NDUFS1: variants seen among roughly 807,000 people sequenced by gnomAD.
The protein encoded by NDUFS1 is NADH-ubiquinone oxidoreductase 75 kDa subunit, mitochondrial.
In NDUFS1, 61 loss-of-function variants were observed where a neutral mutation model predicts 84.4. The observed-to-expected ratio is 0.72, with a 90% confidence interval of 0.59 to 0.89. The LOEUF (loss-of-function observed/expected upper bound fraction) is 0.89, where lower values mean the gene tolerates loss of function less well. NDUFS1 is among the 40% of genes least tolerant of loss of function. The pLI, the probability that NDUFS1 is intolerant of heterozygous loss-of-function variation, is 0.00. For synonymous variants in NDUFS1, 275 were observed against 290.0 expected (o/e 0.95, Z 0.53); for missense variants, 891 against 890.0 (o/e 1.00, Z -0.01).
Position 206,124,130 on chromosome 2 carries a change from G to T in NDUFS1, c.*55C>A. ...AGAAATAAACCTGTAAAGGATCACT[G>T]CACTACAGTTGTCCATTAATTATCT... On this transcript the variant is annotated 3_prime_UTR_variant, in exon 19 of 19. Transcript: ENST00000233190. 9.4e-7 allele frequency: 1 copy of T among 1,068,764 alleles called. No homozygotes were observed. The highest frequency in any genetic ancestry group is 1.5e-6 in the Non-Finnish European group (1 of 681,972). The allele number at this position is 1,068,764 out of a possible 1,614,324, so 66.2% of individuals were successfully genotyped here.
At chr2:206,143,026 C>T (rs191634398) in intron 10 of NDUFS1, among the ~76,000 whole-genome samples, 195 bp from the exon 11 acceptor site, 9 of 152,290 alleles carry the variant, frequency 5.9e-5, no homozygotes, top group Admixed American at 4.6e-4. Flanking sequence ...CAGAAGTGGG[C>T]GGATCACCTG....
At position 206,144,999 on chromosome 2, in the gene NDUFS1, A is replaced by G. The variant is rs1692104586; in HGVS notation, c.765T>C (p.Asp255=). ...TRKTESIDVM[D]AVGSNIVVST... ...TAACCACAATATTACTTCCAACCGC[A>G]TCCATTACATCAATGGATTCTGTCT... Residue 255 remains aspartate (D), a synonymous_variant, in exon 9 of 19, where the codon GAT becomes GAC. Transcript: ENST00000233190. The G allele has an allele frequency of 6.2e-7, 1 of 1,613,876 alleles. No homozygotes were observed. The highest frequency in any genetic ancestry group is 1.3e-5 in the African/African-American group (1 of 74,916).
intron 14 of NDUFS1, among the ~76,000 whole-genome samples, chr2:206,131,371 T>C (rs185742015): frequency 1.3e-5 from 2 of 152,328 alleles, no homozygotes; most frequent in East Asian, 3.9e-4. Context: ...AATTAGCCAT[T>C]AACATTTTTA....
At chr2:206,149,234 A>T (rs1692278571) in intron 4 of NDUFS1, 138 bp from the exon 5 acceptor site, 1 of 698,316 alleles carries the variant, frequency 1.4e-6, no homozygotes, top group Non-Finnish European at 2.4e-6. Flanking sequence ...GGTATTTTTT[A>T]AAACTGAATT....
intron 7 of NDUFS1, 62 bp downstream of exon 7, chr2:206,147,468 CA>C: frequency 6.7e-7 from 1 of 1,486,506 alleles, no homozygotes; most frequent in African/African-American, 1.4e-5. Context: ...TATTATTCAT[CA>C]AATTGTGACT....
At chr2:206,144,567 A>G (rs1343454252) in intron 9 of NDUFS1, among the ~76,000 whole-genome samples, 1 of 152,222 alleles carries the variant, frequency 6.6e-6, no homozygotes, top group South Asian at 2.1e-4. Flanking sequence ...TCGGCCTTCC[A>G]AAGTGCTGGG....
intron 1 of NDUFS1, 124 bp downstream of exon 1, chr2:206,159,217 C>T: frequency 7.2e-7 from 1 of 1,384,652 alleles, no homozygotes. Flanking sequence ...GGCGGCGGGG[C>T]GGGAGGCGGC....
chr2:206,129,801 A>G (rs951813136), intron 15 of NDUFS1, among the ~76,000 whole-genome samples: 2 of 152,042 alleles, frequency 1.3e-5, no homozygotes, highest in African/African-American at 4.8e-5. Context: ...CATGTTGGTC[A>G]GGCTGGTCTT....
At position 206,126,558 on chromosome 2, in the gene NDUFS1, T is replaced by C. The variant is rs370252506; in HGVS notation, c.2073A>G (p.Ile691Met). 6 of 1,614,052 alleles carry C rather than the reference T, an allele frequency of 3.7e-6. No homozygotes were observed. The highest frequency in any genetic ancestry group is 2.7e-5 in the African/African-American group (2 of 74,930). Residue 691 changes from isoleucine to methionine, a missense_variant, in exon 18 of 19, where the codon ATA becomes ATG. Coordinates refer to ENST00000233190, the MANE Select transcript of NDUFS1 (RefSeq NM_005006.7). ...ACATACCTGTCATGTAGAAGTCTTT[T>C]ATAGTTAGCTGAGGTGGAACAAGTG... ...ADPLVPPQLTIKDFYMTDSIS... is the reference protein window; with the variant it reads ...ADPLVPPQLTMKDFYMTDSIS...
At position 206,122,108 on chromosome 2, in the gene NDUFS1, C is replaced by A. The variant is rs1184528623; in HGVS notation, c.*2077G>T. 1 of 152,078 alleles carries A rather than the reference C, an allele frequency of 6.6e-6. No individual in the cohort carries two copies. Among genetic ancestry groups the A allele is most frequent in the Admixed American group, 6.6e-5 (1 of 15,252 alleles). The allele number at this position is 152,078 out of a possible 1,614,324, so 9.4% of individuals were successfully genotyped here. A position where few individuals can be genotyped will look rare whatever the true frequency, so the allele number is the denominator to read the frequency against. On this transcript the variant is annotated 3_prime_UTR_variant, in exon 19 of 19. Transcript: ENST00000233190. Reference sequence around the variant, plus strand: ...AGGATAAGATAAACAGTTCTAAAAGCTGGTACAGGTGACAAATTTTGTGCA... The same window carrying A: ...AGGATAAGATAAACAGTTCTAAAAGATGGTACAGGTGACAAATTTTGTGCA...
Position 206,131,226 on chromosome 2 carries a change from T to C in NDUFS1, c.1554-984A>G, listed in dbSNP as rs530194296. Among the ~76,000 whole-genome samples the C allele has an allele frequency of 6.2e-4, 95 of 152,336 alleles. 3 individuals carry two copies. In the South Asian group the frequency reaches 0.019, roughly 31 times the overall value. On this transcript the variant is annotated intron_variant, in intron 14 of 18. Coordinates refer to ENST00000233190, the MANE Select transcript of NDUFS1 (RefSeq NM_005006.7). Reference sequence around the variant, plus strand: ...CCCAATAGTTCTACTTTTAGAAATATATCCTAAGAAGATAATTTCAAGTGC... The same window carrying C: ...CCCAATAGTTCTACTTTTAGAAATACATCCTAAGAAGATAATTTCAAGTGC...
intron 2 of NDUFS1, 80 bp from the exon 3 acceptor site, chr2:206,152,590 T>C (rs1181774049): frequency 8.1e-7 from 1 of 1,234,614 alleles, no homozygotes; most frequent in Non-Finnish European, 1.2e-6. Context: ...TGACTCTAAC[T>C]ACAAACCTAA....
chr2:206,146,856 T>C (rs1159638581), intron 8 of NDUFS1, 47 bp downstream of exon 8: 1 of 1,539,918 alleles, frequency 6.5e-7, no homozygotes, highest in East Asian at 2.3e-5. Context: ...TTTTGAATAG[T>C]AATGAATTAA....
At chr2:206,136,163 G>A (rs1691703440) in intron 13 of NDUFS1, among the ~76,000 whole-genome samples, 1 of 149,860 alleles carries the variant, frequency 6.7e-6, no homozygotes, top group African/African-American at 2.5e-5. Flanking sequence ...TGATTCTCTT[G>A]CCCCAGCCTC....
At position 206,159,144 on chromosome 2, in the gene NDUFS1, G is replaced by C. The variant is rs1355253995; in HGVS notation, c.-5+197C>G. ...CCCCCTGATCCTCATCTTCTTTTCT[G>C]CTTCATCAGACCAGAGACCGTGGCT... On this transcript the variant is annotated intron_variant, in intron 1 of 18. Transcript: ENST00000233190. 9.1e-6 allele frequency: 14 copies of C among 1,535,524 alleles called. No individual in the cohort carries two copies. The East Asian group carries it at 3.2e-4, about 35-fold the overall frequency.
intron 13 of NDUFS1, among the ~76,000 whole-genome samples, chr2:206,135,542 G>T (rs185203237): frequency 1.3e-5 from 2 of 151,852 alleles, no homozygotes; most frequent in East Asian, 3.9e-4. Flanking sequence ...GCATGGTGGC[G>T]TGCGCCTGTA....
At chr2:206,145,843 T>C (rs1035957702) in intron 8 of NDUFS1, among the ~76,000 whole-genome samples, 3 of 152,140 alleles carry the variant, frequency 2.0e-5, no homozygotes, top group Non-Finnish European at 4.4e-5. Flanking sequence ...CGAGGCAAAC[T>C]TGTTTGTGGA....
chr2:206,142,105 A>T lies in NDUFS1; in HGVS notation c.1134-36T>A, dbSNP rs758931964. ...AATATATAAAATGCAAATTTACTTT[A>T]AAATTAAGACATACAGAGAATCCAT... On this transcript the variant is annotated intron_variant, in intron 11 of 18. Transcript: ENST00000233190. 2.0e-6 allele frequency: 3 copies of T among 1,525,652 alleles called. No homozygotes were observed. The Admixed American group carries it at 5.0e-5, about 26-fold the overall frequency. 94.5% of individuals were successfully genotyped at this position (1,525,652 alleles called of 1,614,324 possible). A position where few individuals can be genotyped will look rare whatever the true frequency, so the allele number is the denominator to read the frequency against.
At position 206,153,687 on chromosome 2, in the gene NDUFS1, A is replaced by T; in HGVS notation, c.-4-5T>A. ...ACAGGTATCCTTAACATATTGCTAA[A>T]AATAAAACAAAGAATTATATTATTG... On this transcript the variant is annotated splice_polypyrimidine_tract_variant and splice_region_variant and intron_variant, in intron 1 of 18. Transcript: ENST00000233190. 7.1e-7 allele frequency: 1 copy of T among 1,405,494 alleles called. No individual in the cohort carries two copies. The highest frequency in any genetic ancestry group is 1.0e-6 in the Non-Finnish European group (1 of 1,003,920). 87.1% of individuals were successfully genotyped at this position (1,405,494 alleles called of 1,614,324 possible). A position where few individuals can be genotyped will look rare whatever the true frequency, so the allele number is the denominator to read the frequency against.
Sources: allele counts gnomAD v4.1 joint callset (sites outside exome capture counted in the v4.1 genomes callset), GRCh38; gene constraint gnomAD v4.1.1; transcripts MANE v1.5; gene names NCBI Gene and HGNC (gene_info 2026-07-23, HGNC 2026-07-21).